The following LINGO2 variants were observed in gnomAD, a reference collection of about 807,000 sequenced individuals.
The protein encoded by LINGO2 is leucine-rich repeat and immunoglobulin-like domain-containing nogo receptor-interacting protein 2.
LINGO2 carries 14 observed loss-of-function variants against 30.6 expected under a neutral mutation model. The ratio of observed to expected loss-of-function variants is 0.46; its 90% CI spans 0.30 to 0.72. The LOEUF is 0.72. LINGO2 is among the 30% of genes least tolerant of loss of function. The pLI is 0.07. For missense variants in LINGO2, 729 were observed against 751.7 expected, an observed-to-expected ratio of 0.97 and a Z score of 0.35; for synonymous variants, 317 against 288.5, an observed-to-expected ratio of 1.10 and a Z score of -1.00.
chr9:29,207,031 G>C, the LINGO2 span, among the ~76,000 whole-genome samples: 1 of 151,628 alleles, frequency 6.6e-6, no homozygotes, highest in Non-Finnish European at 1.5e-5. Flanking sequence ...GTGTGTGTGT[G>C]TATGTGTACA....
chr9:28,712,998 TG>T, the LINGO2 span, among the ~76,000 whole-genome samples: 7 of 152,222 alleles, frequency 4.6e-5, 1 homozygote, highest in African/African-American at 1.4e-4. Flanking sequence ...CCTGAGTAGC[TG>T]GGATTACAAG....
chr9:29,048,328 A>T, the LINGO2 span, among the ~76,000 whole-genome samples: 1 of 151,898 alleles, frequency 6.6e-6, no homozygotes, highest in Non-Finnish European at 1.5e-5. Flanking sequence ...ACCAAAAAAA[A>T]GAAAAAAGGA....
chr9:27,963,022 G>T (rs1819923371), intron 5 of LINGO2, among the ~76,000 whole-genome samples: 1 of 152,062 alleles, frequency 6.6e-6, no homozygotes, highest in Non-Finnish European at 1.5e-5. Flanking sequence ...TCAGGAAATA[G>T]ACTTAAAGAA....
chr9:28,212,894 A>T (rs113698702), intron 4 of LINGO2, among the ~76,000 whole-genome samples: 110 of 151,614 alleles, frequency 7.3e-4, no homozygotes, highest in Admixed American at 1.9e-3. Flanking sequence ...TTGTTTATCA[A>T]GGAATTTGTC....
chr9:28,993,125 T>G, the LINGO2 span, among the ~76,000 whole-genome samples: 2 of 151,952 alleles, frequency 1.3e-5, no homozygotes, highest in South Asian at 4.2e-4. Context: ...CTAGCAAGAC[T>G]AATAAAGAAG....
intron 4 of LINGO2, among the ~76,000 whole-genome samples, chr9:28,188,809 G>A (rs1819638243): frequency 6.6e-6 from 1 of 152,070 alleles, no homozygotes. Context: ...GGTCTTATAG[G>A]CTGCTGTGAC....
At position 28,299,674 on chromosome 9, in the gene LINGO2, A is replaced by T. The variant is rs73431340; in HGVS notation, c.-245-4308T>A. 8.4e-3 allele frequency among the ~76,000 whole-genome samples: 1,274 copies of T among 152,284 alleles called. 24 individuals are homozygous for T. The highest frequency in any genetic ancestry group is 0.029 in the African/African-American group (1,210 of 41,558). On this transcript the variant is annotated intron_variant, in intron 3 of 5. Transcript: ENST00000379992. ...GAAAGTTTAAGTTACTCACCCAAGG[A>T]TATAGAGCCTTTGAAAAATGGAGCT...
chr9:29,001,742 C>G, the LINGO2 span, among the ~76,000 whole-genome samples: 1 of 151,990 alleles, frequency 6.6e-6, no homozygotes, highest in Admixed American at 6.6e-5. Flanking sequence ...CATAAATTTT[C>G]TCTCAAGAAG....
chr9:28,962,989 T>C, the LINGO2 span, among the ~76,000 whole-genome samples: 1 of 152,008 alleles, frequency 6.6e-6, no homozygotes, highest in Non-Finnish European at 1.5e-5. Context: ...CTATATTTCA[T>C]TGTCCATGTT....
intron 4 of LINGO2, among the ~76,000 whole-genome samples, chr9:28,216,648 T>G (rs1392823219): frequency 6.6e-6 from 1 of 151,936 alleles, no homozygotes; most frequent in Admixed American, 6.6e-5. Context: ...TAAATATTCA[T>G]TTTTTGAGAA....
At chr9:28,279,000 G>A (rs749811972) in intron 4 of LINGO2, among the ~76,000 whole-genome samples, 1 of 152,154 alleles carries the variant, frequency 6.6e-6, no homozygotes, top group Non-Finnish European at 1.5e-5. Context: ...GCTGATTCCA[G>A]TTCTCATGGA....
At chr9:28,601,053 G>A (rs1208714050) in intron 1 of LINGO2, among the ~76,000 whole-genome samples, 1 of 151,988 alleles carries the variant, frequency 6.6e-6, no homozygotes, top group Non-Finnish European at 1.5e-5. Context: ...TGAGTTTTGT[G>A]GAAAAGAAAA....
the LINGO2 span, among the ~76,000 whole-genome samples, chr9:29,016,268 C>T: frequency 6.6e-6 from 1 of 152,036 alleles, no homozygotes; most frequent in African/African-American, 2.4e-5. Flanking sequence ...CTTGAATTTC[C>T]AAGGTACCCC....
At chr9:28,590,710 G>C (rs953373651) in intron 1 of LINGO2, among the ~76,000 whole-genome samples, 1 of 152,102 alleles carries the variant, frequency 6.6e-6, no homozygotes, top group Non-Finnish European at 1.5e-5. Flanking sequence ...ACTGTTGGCG[G>C]GACTGTAAAC....
intron 2 of LINGO2, among the ~76,000 whole-genome samples, chr9:28,443,866 G>T (rs1824300173): frequency 6.6e-6 from 1 of 152,174 alleles, no homozygotes; most frequent in Non-Finnish European, 1.5e-5. Context: ...TCACCTTCAA[G>T]CCAGGGACAA....
intron 4 of LINGO2, among the ~76,000 whole-genome samples, chr9:28,203,781 A>G (rs1281498574): frequency 6.6e-6 from 1 of 152,196 alleles, no homozygotes; most frequent in Non-Finnish European, 1.5e-5. Flanking sequence ...AACTAAGAGC[A>G]CTAGGCCTCT....
the LINGO2 span, among the ~76,000 whole-genome samples, chr9:29,055,444 T>C: frequency 2.6e-5 from 4 of 152,222 alleles, no homozygotes; most frequent in African/African-American, 9.6e-5. Context: ...TTTGTAGTCA[T>C]TTGTCGGTCT....
chr9:28,986,238 T>A, the LINGO2 span, among the ~76,000 whole-genome samples: 1 of 151,946 alleles, frequency 6.6e-6, no homozygotes. Flanking sequence ...GTTTAATTAA[T>A]TAATTTAATT....
chr9:28,578,402 G>A (rs1334295352), intron 1 of LINGO2, among the ~76,000 whole-genome samples: 1 of 152,132 alleles, frequency 6.6e-6, no homozygotes. Context: ...ATCTTTGCCT[G>A]TAGATTTTTA....
Sources: allele counts gnomAD v4.1 joint callset (sites outside exome capture counted in the v4.1 genomes callset), GRCh38; gene constraint gnomAD v4.1.1; transcripts MANE v1.5; gene names NCBI Gene and HGNC (gene_info 2026-07-23, HGNC 2026-07-21).